Variants in STRN observed in about 807,000 individuals in gnomAD.
STRN encodes striatin, also known as protein phosphatase 2 regulatory subunit B'''alpha.
STRN carries 53 observed loss-of-function variants against 96.3 expected under a neutral mutation model. That is an observed-to-expected ratio of 0.55 (90% confidence interval 0.44 to 0.69). The LOEUF is 0.69. STRN is among the 30% of genes least tolerant of loss of function. The pLI is 0.00. For synonymous variants in STRN, 428 were observed against 355.9 expected (o/e 1.20, Z -2.28); for missense variants, 987 against 963.9 (o/e 1.02, Z -0.32).
rs113096610 is a variant in STRN, at chr2:36,861,332, T to G, written c.1548-79A>C. 2,143 of 1,544,976 alleles carry G rather than the reference T, an allele frequency of 1.4e-3. 50 individuals are homozygous for G. The African/African-American group carries it at 0.025, about 18-fold the overall frequency. ...ATATGACTTGTTAAAAATAAGAATG[T>G]TTAATTACCCAAATGGCTATTTTTC... On this transcript the variant is annotated intron_variant, in intron 12 of 17. Transcript: ENST00000263918.
chr2:36,883,354 G>C (rs1669125877), intron 9 of STRN, among the ~76,000 whole-genome samples: 1 of 152,152 alleles, frequency 6.6e-6, no homozygotes, highest in African/African-American at 2.4e-5. Flanking sequence ...CTACTCAGGA[G>C]GCTAAGGCAA....
chr2:36,894,942 G>A (rs113412416), intron 6 of STRN, among the ~76,000 whole-genome samples: 1 of 152,066 alleles, frequency 6.6e-6, no homozygotes, highest in Non-Finnish European at 1.5e-5. Context: ...ATCCTTCTCA[G>A]TACAGCACTC....
Position 36,878,538 on chromosome 2 carries a change from C to T in STRN, c.1187-511G>A, listed in dbSNP as rs187680032. On this transcript the variant is annotated intron_variant, in intron 9 of 17. Coordinates refer to ENST00000263918, the MANE Select transcript of STRN (RefSeq NM_003162.4). ...CGTTATAAGTCAGGATTACCTCTGC[C>T]GGCCAGAAGAGGGGTAGTGATTAAA... Among the ~76,000 whole-genome samples the T allele has an allele frequency of 1.4e-3, 208 of 152,130 alleles. 1 individual carries two copies. The highest frequency in any genetic ancestry group is 2.3e-3 in the Non-Finnish European group (158 of 67,982).
At chr2:36,957,390 C>T (rs1394149461) in intron 1 of STRN, among the ~76,000 whole-genome samples, 1 of 152,156 alleles carries the variant, frequency 6.6e-6, no homozygotes, top group Non-Finnish European at 1.5e-5. Flanking sequence ...GGGTTCAAGA[C>T]AAGCCTGGCC....
At chr2:36,900,692 C>T (rs1406779149) in intron 5 of STRN, among the ~76,000 whole-genome samples, 1 of 151,994 alleles carries the variant, frequency 6.6e-6, no homozygotes, top group Non-Finnish European at 1.5e-5. Flanking sequence ...AGATTGAGAC[C>T]ATCCTGGCCA....
At position 36,860,625 on chromosome 2, in the gene STRN, T is replaced by C. The variant is rs556392639; in HGVS notation, c.1669+507A>G. Among the ~76,000 whole-genome samples, 352 of 152,334 alleles carry C rather than the reference T, an allele frequency of 2.3e-3. 1 individual carries two copies. Among genetic ancestry groups the C allele is most frequent in the African/African-American group, 8.0e-3 (331 of 41,570 alleles). On this transcript the variant is annotated intron_variant, in intron 13 of 17. Transcript: ENST00000263918. ...TCCATTGATAGATTATAATATGATT[T>C]ATGATGTATGGTATTGTTCCCAAAA...
At chr2:36,932,601 T>A (rs1670603261) in intron 1 of STRN, among the ~76,000 whole-genome samples, 2 of 152,074 alleles carry the variant, frequency 1.3e-5, no homozygotes, top group Admixed American at 1.3e-4. Flanking sequence ...TAAAGATAAA[T>A]TTCATTTTAT....
chr2:36,942,291 G>GT (rs1318508875), intron 1 of STRN, among the ~76,000 whole-genome samples: 2 of 151,970 alleles, frequency 1.3e-5, no homozygotes, highest in Non-Finnish European at 2.9e-5. Flanking sequence ...AAAAAACCTA[G>GT]TTTTTTTATG....
chr2:36,897,561 G>A (rs1440080110), intron 6 of STRN, among the ~76,000 whole-genome samples: 2 of 151,034 alleles, frequency 1.3e-5, no homozygotes, highest in Non-Finnish European at 2.9e-5. Context: ...TCAGCCTCCC[G>A]AGTAGCTGGG....
At chr2:36,907,006 G>A (rs919397100) in intron 3 of STRN, among the ~76,000 whole-genome samples, 2 of 151,838 alleles carry the variant, frequency 1.3e-5, no homozygotes, top group East Asian at 1.9e-4. Context: ...GCATTTTAAC[G>A]CTTAAATTCA....
intron 2 of STRN, among the ~76,000 whole-genome samples, chr2:36,919,284 G>T (rs1646536465): frequency 6.6e-6 from 1 of 152,138 alleles, no homozygotes; most frequent in Admixed American, 6.5e-5. Context: ...AGCTATAAGG[G>T]CTACTAGCAA....
intron 6 of STRN, among the ~76,000 whole-genome samples, chr2:36,898,451 G>A (rs183526976): frequency 3.3e-4 from 51 of 152,300 alleles, no homozygotes; most frequent in Admixed American, 7.8e-4. Flanking sequence ...TTGAATAGTC[G>A]TGATGGAAAA....
intron 2 of STRN, among the ~76,000 whole-genome samples, chr2:36,918,344 T>C (rs1224783840): frequency 1.3e-5 from 2 of 152,074 alleles, no homozygotes; most frequent in Non-Finnish European, 2.9e-5. Context: ...TAAGACAAAG[T>C]AGTAATACCT....
chr2:36,940,415 TA>T (rs1250967382), intron 1 of STRN, among the ~76,000 whole-genome samples: 2 of 152,182 alleles, frequency 1.3e-5, no homozygotes, highest in African/African-American at 4.8e-5. Flanking sequence ...GTCTAATTAG[TA>T]ATAAAAAATA....
intron 4 of STRN, among the ~76,000 whole-genome samples, chr2:36,904,332 G>C (rs1005313439): frequency 6.6e-6 from 1 of 152,032 alleles, no homozygotes; most frequent in African/African-American, 2.4e-5. Context: ...TGGAAACCTT[G>C]GGTTTAAACA....
chr2:36,900,226 CCCTT>C (rs1669647332), intron 5 of STRN, among the ~76,000 whole-genome samples: 1 of 151,970 alleles, frequency 6.6e-6, no homozygotes, highest in African/African-American at 2.4e-5. Flanking sequence ...TAAAAAACTC[CCCTT>C]CCTGATTTAT....
chr2:36,957,482 G>A (rs991951544), intron 1 of STRN, among the ~76,000 whole-genome samples: 4 of 152,132 alleles, frequency 2.6e-5, no homozygotes, highest in Non-Finnish European at 5.9e-5. Flanking sequence ...CAGCCACTCC[G>A]GAGGCTGAGG....
At chr2:36,882,353 G>A (rs1215411940) in intron 9 of STRN, among the ~76,000 whole-genome samples, 1 of 152,048 alleles carries the variant, frequency 6.6e-6, no homozygotes, top group African/African-American at 2.4e-5. Context: ...TTTATGTCAT[G>A]CTGAATTTTC....
At chr2:36,901,655 T>A (rs1363070178) in intron 5 of STRN, among the ~76,000 whole-genome samples, 2 of 152,010 alleles carry the variant, frequency 1.3e-5, no homozygotes, top group African/African-American at 4.8e-5. Context: ...ACACAGTCTA[T>A]ATCTATAGAG....
Sources: allele counts gnomAD v4.1 joint callset (sites outside exome capture counted in the v4.1 genomes callset), GRCh38; gene constraint gnomAD v4.1.1; transcripts MANE v1.5; gene names NCBI Gene and HGNC (gene_info 2026-07-23, HGNC 2026-07-21).